KCNH7: variants seen among roughly 807,000 people sequenced by gnomAD.
The protein encoded by KCNH7 is voltage-gated inwardly rectifying potassium channel KCNH7.
KCNH7 carries 49 observed loss-of-function variants against 120.8 expected under a neutral mutation model. That is an observed-to-expected ratio of 0.41 (90% confidence interval 0.32 to 0.51). KCNH7 has a LOEUF of 0.51. KCNH7 is among the 20% of genes least tolerant of loss of function. The pLI is 0.38. For missense variants in KCNH7, 1,097 were observed against 1,446.6 expected, an observed-to-expected ratio of 0.76 and a Z score of 3.92; for synonymous variants, 547 against 516.1, an observed-to-expected ratio of 1.06 and a Z score of -0.81.
At chr2:162,587,316 A>C (rs552179025) in intron 2 of KCNH7, among the ~76,000 whole-genome samples, 1 of 152,192 alleles carries the variant, frequency 6.6e-6, no homozygotes, top group South Asian at 2.1e-4. Context: ...CGCAAACAAA[A>C]CTTTTAGAAT....
At chr2:162,682,011 T>A (rs1027325963) in intron 2 of KCNH7, among the ~76,000 whole-genome samples, 1 of 151,590 alleles carries the variant, frequency 6.6e-6, no homozygotes, top group Non-Finnish European at 1.5e-5. Context: ...AATTTCCTCC[T>A]TTTAGAGATT....
At chr2:162,726,170 AT>A (rs1687510535) in intron 2 of KCNH7, among the ~76,000 whole-genome samples, 1 of 151,752 alleles carries the variant, frequency 6.6e-6, no homozygotes, top group African/African-American at 2.4e-5. Context: ...GCCTACCTCT[AT>A]TTTTCTTTCT....
At chr2:162,772,960 C>G (rs1683108347) in intron 2 of KCNH7, among the ~76,000 whole-genome samples, 1 of 152,182 alleles carries the variant, frequency 6.6e-6, no homozygotes, top group Non-Finnish European at 1.5e-5. Context: ...CCTAATCGCT[C>G]TCCTTGAAGC....
At chr2:162,817,572 A>C (rs1684960942) in intron 2 of KCNH7, among the ~76,000 whole-genome samples, 2 of 152,122 alleles carry the variant, frequency 1.3e-5, no homozygotes, top group African/African-American at 4.8e-5. Flanking sequence ...TTTTTCTTAG[A>C]TACAGACCTA....
intron 2 of KCNH7, among the ~76,000 whole-genome samples, chr2:162,785,495 G>A (rs1683666429): frequency 6.6e-6 from 1 of 151,814 alleles, no homozygotes; most frequent in South Asian, 2.1e-4. Context: ...ACATTTCACT[G>A]ACTTTACTTT....
At chr2:162,582,104 C>T (rs998943661) in intron 2 of KCNH7, among the ~76,000 whole-genome samples, 3 of 151,998 alleles carry the variant, frequency 2.0e-5, no homozygotes, top group South Asian at 2.1e-4. Flanking sequence ...AATACTTCCC[C>T]GTGCAGTCTG....
intron 8 of KCNH7, among the ~76,000 whole-genome samples, chr2:162,424,914 T>C (rs1030509346): frequency 1.3e-5 from 2 of 152,198 alleles, no homozygotes; most frequent in Non-Finnish European, 2.9e-5. Context: ...TGTGCCTGGA[T>C]ATTTGGTTAC....
At chr2:162,585,373 C>T (rs914373034) in intron 2 of KCNH7, among the ~76,000 whole-genome samples, 2 of 152,028 alleles carry the variant, frequency 1.3e-5, no homozygotes, top group African/African-American at 2.4e-5. Flanking sequence ...TTCTGCCCCA[C>T]AACTAGCAAA....
intron 2 of KCNH7, among the ~76,000 whole-genome samples, chr2:162,574,877 A>G (rs1693617681): frequency 6.6e-6 from 1 of 152,128 alleles, no homozygotes; most frequent in Non-Finnish European, 1.5e-5. Context: ...AAAGTCAAAC[A>G]TTAACTATTG....
chr2:162,779,179 A>AT (rs71410045), intron 2 of KCNH7, among the ~76,000 whole-genome samples: 42,440 of 151,488 alleles, frequency 0.28, 6,874 homozygotes, highest in African/African-American at 0.45. Context: ...GCCAGTCTTA[A>AT]TTTTTTTTGT....
intron 2 of KCNH7, among the ~76,000 whole-genome samples, chr2:162,726,146 G>T (rs949925249): frequency 6.6e-6 from 1 of 151,792 alleles, no homozygotes; most frequent in Non-Finnish European, 1.5e-5. Context: ...CTATAATTTT[G>T]ATCTATACAC....
At chr2:162,696,845 G>T (rs1481946644) in intron 2 of KCNH7, among the ~76,000 whole-genome samples, 1 of 152,096 alleles carries the variant, frequency 6.6e-6, no homozygotes, top group East Asian at 1.9e-4. Flanking sequence ...TAATTGCACT[G>T]ATTGAAACCT....
chr2:162,425,459 G>A (rs1311457940), intron 8 of KCNH7, among the ~76,000 whole-genome samples: 1 of 152,108 alleles, frequency 6.6e-6, no homozygotes, highest in Non-Finnish European at 1.5e-5. Context: ...AGCCTAAATT[G>A]TTTTTGAGTA....
At chr2:162,518,182 C>T (rs981370237) in intron 3 of KCNH7, 24 bp from the exon 4 acceptor site, 1 of 1,552,364 alleles carries the variant, frequency 6.4e-7, no homozygotes, top group African/African-American at 1.4e-5. Flanking sequence ...CAGGAGAGAG[C>T]ATTATTATAA....
intron 2 of KCNH7, among the ~76,000 whole-genome samples, chr2:162,709,948 T>C (rs930083354): frequency 3.3e-5 from 5 of 152,206 alleles, no homozygotes; most frequent in Middle Eastern, 3.4e-3. Context: ...AGTTTAACAG[T>C]AGATGTTGAA....
intron 2 of KCNH7, among the ~76,000 whole-genome samples, chr2:162,694,389 C>A (rs1010610057): frequency 6.6e-6 from 1 of 152,088 alleles, no homozygotes; most frequent in African/African-American, 2.4e-5. Context: ...TTCTATTTTA[C>A]TCTGGCAGAC....
chr2:162,390,610 C>T (rs1446733265), intron 12 of KCNH7, among the ~76,000 whole-genome samples: 1 of 151,948 alleles, frequency 6.6e-6, no homozygotes, highest in African/African-American at 2.4e-5. Flanking sequence ...ATTTTACTTC[C>T]ATCTCAGGAG....
At chr2:162,518,274 G>C in intron 3 of KCNH7, 116 bp from the exon 4 acceptor site, 1 of 756,334 alleles carries the variant, frequency 1.3e-6, no homozygotes, top group South Asian at 1.9e-5. Context: ...TGAATCAATG[G>C]TTATAGTTGG....
chr2:162,382,240 A>G (rs533013864), intron 13 of KCNH7, among the ~76,000 whole-genome samples: 118 of 152,078 alleles, frequency 7.8e-4, no homozygotes, highest in Non-Finnish European at 1.3e-3. Flanking sequence ...TTACCTTATC[A>G]GAAATGAACG....
Sources: allele counts gnomAD v4.1 joint callset (sites outside exome capture counted in the v4.1 genomes callset), GRCh38; gene constraint gnomAD v4.1.1; transcripts MANE v1.5; gene names NCBI Gene and HGNC (gene_info 2026-07-23, HGNC 2026-07-21).